The following CLASP2 variants were observed in gnomAD, a reference collection of about 807,000 sequenced individuals.
The protein encoded by CLASP2 is cytoplasmic linker associated protein 2.
In CLASP2, 47 loss-of-function variants were observed where a neutral mutation model predicts 194.4. The ratio of observed to expected loss-of-function variants is 0.24; its 90% CI spans 0.19 to 0.31. CLASP2 has a LOEUF of 0.31. Ranked by LOEUF, CLASP2 falls within the 10% of genes least tolerant of loss-of-function variation. CLASP2 has a pLI of 1.00. For synonymous variants in CLASP2, 619 were observed against 633.5 expected (o/e 0.98, Z 0.34); for missense variants, 1,445 against 1,823.6 (o/e 0.79, Z 3.78).
chr3:33,506,292 T>G (rs2048150660), intron 37 of CLASP2, among the ~76,000 whole-genome samples: 1 of 147,572 alleles, frequency 6.8e-6, no homozygotes, highest in African/African-American at 2.5e-5. Flanking sequence ...ACAGGAGAAT[T>G]GCTTGAACAC....
intron 34 of CLASP2, among the ~76,000 whole-genome samples, chr3:33,528,199 T>A (rs2055152530): frequency 1.3e-5 from 2 of 152,140 alleles, no homozygotes; most frequent in South Asian, 4.1e-4. Context: ...ACCACATGAT[T>A]ATTTCAATAG....
At chr3:33,500,814 G>T (rs1045256364) in intron 38 of CLASP2, among the ~76,000 whole-genome samples, 1 of 152,116 alleles carries the variant, frequency 6.6e-6, no homozygotes, top group Non-Finnish European at 1.5e-5. Context: ...TTTAAGTGAC[G>T]GTGAGTGCTT....
At chr3:33,671,163 G>A (rs2087110676) in intron 6 of CLASP2, among the ~76,000 whole-genome samples, 1 of 152,116 alleles carries the variant, frequency 6.6e-6, no homozygotes, top group African/African-American at 2.4e-5. Flanking sequence ...AGAGGAGGGT[G>A]GGAAACACTT....
chr3:33,660,279 C>T (rs1180270160), intron 7 of CLASP2, among the ~76,000 whole-genome samples: 1 of 152,164 alleles, frequency 6.6e-6, no homozygotes, highest in Non-Finnish European at 1.5e-5. Flanking sequence ...TCCTACAGGG[C>T]TGGTGTTCCC....
chr3:33,638,343 C>T (rs571765631), intron 8 of CLASP2, among the ~76,000 whole-genome samples: 2 of 152,122 alleles, frequency 1.3e-5, no homozygotes, highest in South Asian at 2.1e-4. Context: ...CTCGCTCCGT[C>T]GCCCAGGCTG....
chr3:33,563,969 A>G (rs1358908698), intron 27 of CLASP2: 2 of 451,104 alleles, frequency 4.4e-6, no homozygotes, highest in African/African-American at 2.0e-5. Context: ...GTGACTCTCT[A>G]TAGAATTTAC....
Position 33,581,939 on chromosome 3 carries a change from G to A in CLASP2, c.2240-11C>T. On this transcript the variant is annotated splice_polypyrimidine_tract_variant and intron_variant, in intron 22 of 38. Coordinates refer to ENST00000682230, the MANE Select transcript of CLASP2 (RefSeq NM_001365631.1). ...TACGACTGCTTCGGGCTGGTGTGAA[G>A]CAACAGCAGCACACACAGTAAGGGA... 6.4e-7 allele frequency: 1 copy of A among 1,568,976 alleles called. No homozygotes were observed. The highest frequency in any genetic ancestry group is 2.2e-5 in the East Asian group (1 of 44,678).
Position 33,568,873 on chromosome 3 carries a change from T to C in CLASP2, c.2763+1854A>G, listed in dbSNP as rs138309612. Among the ~76,000 whole-genome samples the C allele has an allele frequency of 7.2e-3, 1,092 of 152,298 alleles. 5 individuals carry two copies. The highest frequency in any genetic ancestry group is 0.01 in the Non-Finnish European group (687 of 68,024). Reference sequence around the variant, plus strand: ...TACATTAAAAAGGGAGGGGTGCAGCTATTTAAAAAATATCAGAATACAATG... The same window carrying C: ...TACATTAAAAAGGGAGGGGTGCAGCCATTTAAAAAATATCAGAATACAATG... On this transcript the variant is annotated intron_variant, in intron 26 of 38. Transcript: ENST00000682230.
intron 38 of CLASP2, among the ~76,000 whole-genome samples, chr3:33,501,338 CA>C (rs1312943313): frequency 2.6e-5 from 4 of 152,052 alleles, no homozygotes; most frequent in African/African-American, 4.8e-5. Context: ...AAACAGTGGT[CA>C]GGGGTAAAGA....
At position 33,584,742 on chromosome 3, in the gene CLASP2, AAT is replaced by A. The variant is rs760975798; in HGVS notation, c.2239+6_2239+7del. 3.2e-6 allele frequency: 5 copies of A among 1,563,790 alleles called. No individual in the cohort carries two copies. Among genetic ancestry groups the A allele is most frequent in the Admixed American group, 4.4e-5 (2 of 45,958 alleles). ...ATGTCTCACATAAAAAAAAAAAAAA[AAT>A]CTTACCCACTGAAAGCCTAGATGGA... On this transcript the variant is annotated splice_donor_region_variant and intron_variant, in intron 22 of 38. Coordinates refer to ENST00000682230, the MANE Select transcript of CLASP2 (RefSeq NM_001365631.1).
intron 23 of CLASP2, among the ~76,000 whole-genome samples, chr3:33,579,014 T>C (rs150751159): frequency 2.6e-5 from 4 of 152,182 alleles, no homozygotes; most frequent in African/African-American, 7.2e-5. Flanking sequence ...CCAAAGAATG[T>C]AGGCAAATGT....
chr3:33,646,236 A>C (rs2082263094), intron 7 of CLASP2, among the ~76,000 whole-genome samples: 1 of 151,640 alleles, frequency 6.6e-6, no homozygotes, highest in Admixed American at 6.6e-5. Context: ...TTAACTATTA[A>C]ATATATCTTA....
intron 12 of CLASP2, among the ~76,000 whole-genome samples, chr3:33,616,227 G>A (rs2154271174): frequency 6.6e-6 from 1 of 152,214 alleles, no homozygotes; most frequent in Admixed American, 6.5e-5. Context: ...CAGCTTCTTG[G>A]GAGGCTGAGG....
chr3:33,559,133 T>C, intron 29 of CLASP2, 174 bp downstream of exon 29: 1 of 692,896 alleles, frequency 1.4e-6, no homozygotes, highest in Non-Finnish European at 2.6e-6. Context: ...ACCTTGGAGC[T>C]CCAAAAAGAG....
rs1047647670 is a variant in CLASP2, at chr3:33,592,413, T to C, written c.2050A>G (p.Met684Val). 3 of 1,612,848 alleles carry C rather than the reference T, an allele frequency of 1.9e-6. No homozygotes were observed. Among genetic ancestry groups the C allele is most frequent in the East Asian group, 4.5e-5 (2 of 44,854 alleles). ...ADSRGRSRTK[M>V]VSQSQPGSRS... ...TACATACGCTGTGATTGAGACACCATTTTTGTTCGACTTCTTCCTCTAGAA... is the reference window on the plus strand; with the variant it reads ...TACATACGCTGTGATTGAGACACCACTTTTGTTCGACTTCTTCCTCTAGAA... The change falls in exon 21 of 39, where the codon ATG (methionine) becomes GTG (valine). Residue 684 changes from methionine to valine, a missense_variant. Around this residue, in one of 4 missense-constraint regions of CLASP2, gnomAD observed 174 missense variants for 179.0 expected, o/e 0.97. Transcript: ENST00000682230.
At chr3:33,571,173 C>T (rs1328155642) in intron 25 of CLASP2, among the ~76,000 whole-genome samples, 2 of 151,666 alleles carry the variant, frequency 1.3e-5, no homozygotes, top group African/African-American at 4.8e-5. Flanking sequence ...GCCACCTCGC[C>T]CAGCTAATTT....
chr3:33,649,636 TG>T (rs1007772910), intron 7 of CLASP2, among the ~76,000 whole-genome samples: 5 of 152,182 alleles, frequency 3.3e-5, no homozygotes, highest in African/African-American at 1.2e-4. Context: ...GAAGGCCTTG[TG>T]GGGCAAAGGG....
intron 21 of CLASP2, among the ~76,000 whole-genome samples, chr3:33,591,081 T>C (rs1576882902): frequency 1.3e-5 from 2 of 151,732 alleles, no homozygotes; most frequent in East Asian, 3.9e-4. Context: ...GAGGCTGAGG[T>C]AGGAGGATCC....
intron 12 of CLASP2, 39 bp downstream of exon 12, chr3:33,619,564 G>C (rs748226728): frequency 3.4e-6 from 5 of 1,484,216 alleles, no homozygotes; most frequent in Non-Finnish European, 4.5e-6. Context: ...CAAAAGTGGG[G>C]GGAGGAGGCA....
Sources: gnomAD v4.1 joint callset for allele counts (sites outside exome capture counted in the v4.1 genomes callset) on GRCh38, gnomAD v4.1.1 for gene constraint, gnomAD v4.1.1 regional missense constraint, MANE v1.5 for transcripts, NCBI Gene and HGNC (gene_info 2026-07-23, HGNC 2026-07-21) for gene names.